The following CPQ variants were observed in gnomAD, a reference collection of about 807,000 sequenced individuals.
CPQ encodes the protein carboxypeptidase Q, also known as Ser-Met dipeptidase.
Under a neutral mutation model 45.7 loss-of-function variants are expected in CPQ, and 37 were observed. The observed-to-expected ratio is 0.81, with a 90% CI of 0.62 to 1.07. CPQ has a LOEUF of 1.07. CPQ is among the 50% of genes least tolerant of loss of function. CPQ has a pLI of 0.00. For synonymous variants in CPQ, 186 were observed against 205.8 expected (o/e 0.90, Z 0.82); for missense variants, 537 against 572.9 (o/e 0.94, Z 0.64).
At chr8:97,075,220 C>T (rs897256444) in intron 7 of CPQ, among the ~76,000 whole-genome samples, 40 of 152,128 alleles carry the variant, frequency 2.6e-4, no homozygotes, top group African/African-American at 9.2e-4. Flanking sequence ...ACTATAATGA[C>T]CCATAAAACA....
At chr8:96,874,890 T>C (rs1812124847) in intron 3 of CPQ, among the ~76,000 whole-genome samples, 1 of 151,938 alleles carries the variant, frequency 6.6e-6, no homozygotes, top group African/African-American at 2.4e-5. Context: ...GATAAGTACA[T>C]GTTTAACTTT....
intron 1 of CPQ, among the ~76,000 whole-genome samples, chr8:96,779,531 A>G (rs749196029): frequency 3.9e-5 from 6 of 152,156 alleles, no homozygotes; most frequent in Non-Finnish European, 8.8e-5. Context: ...GCTGCCTGGG[A>G]ATCAAAACAC....
At chr8:97,087,970 G>A (rs1811068259) in intron 7 of CPQ, among the ~76,000 whole-genome samples, 1 of 151,932 alleles carries the variant, frequency 6.6e-6, no homozygotes. Context: ...TGATAATATT[G>A]GAAATGCTTT....
intron 4 of CPQ, among the ~76,000 whole-genome samples, chr8:96,903,249 A>G (rs1812535422): frequency 6.6e-6 from 1 of 152,210 alleles, no homozygotes; most frequent in Non-Finnish European, 1.5e-5. Flanking sequence ...AGAAAGCATT[A>G]AAGGCCAAGC....
At chr8:97,015,356 G>T (rs977757537) in intron 5 of CPQ, among the ~76,000 whole-genome samples, 1 of 151,466 alleles carries the variant, frequency 6.6e-6, no homozygotes, top group Non-Finnish European at 1.5e-5. Context: ...ATTCCTACAT[G>T]ATACTAGCAT....
chr8:96,912,747 C>T (rs1257573946), intron 4 of CPQ, among the ~76,000 whole-genome samples: 1 of 152,160 alleles, frequency 6.6e-6, no homozygotes, highest in Non-Finnish European at 1.5e-5. Flanking sequence ...GGTTATATTG[C>T]TGGAGGCTTA....
intron 1 of CPQ, among the ~76,000 whole-genome samples, chr8:96,695,138 T>C (rs2130740436): frequency 6.7e-6 from 1 of 149,676 alleles, no homozygotes; most frequent in East Asian, 2.0e-4. Context: ...TAATGCCACA[T>C]ATCTACAACT....
chr8:96,769,626 A>AT (rs34672966), intron 1 of CPQ, among the ~76,000 whole-genome samples: 7,299 of 112,598 alleles, frequency 0.065, 276 homozygotes, highest in Middle Eastern at 0.087. Context: ...TGTTTACTGG[A>AT]TTTTTTTTTT....
intron 7 of CPQ, among the ~76,000 whole-genome samples, chr8:97,124,251 A>G (rs1208027536): frequency 7.0e-6 from 1 of 143,172 alleles, no homozygotes; most frequent in African/African-American, 2.6e-5. Flanking sequence ...AAAAAAAAAA[A>G]GTAAATTCAT....
At chr8:97,027,114 T>G (rs766693484) in intron 5 of CPQ, among the ~76,000 whole-genome samples, 1 of 152,258 alleles carries the variant, frequency 6.6e-6, no homozygotes, top group Non-Finnish European at 1.5e-5. Context: ...TTTCTTATTT[T>G]TGCCTATATT....
intron 1 of CPQ, chr8:96,659,392 C>G (rs1249942023): frequency 6.6e-6 from 1 of 152,144 alleles, no homozygotes; most frequent in East Asian, 1.9e-4. Context: ...GTAGTTTGCC[C>G]TGCAACTTCA....
chr8:96,964,294 A>G (rs1166727060), intron 4 of CPQ, among the ~76,000 whole-genome samples: 1 of 151,842 alleles, frequency 6.6e-6, no homozygotes, highest in African/African-American at 2.4e-5. Context: ...TAGATAAGCC[A>G]GTTTTTCCAG....
At chr8:96,744,607 C>G (rs2130781657) in intron 1 of CPQ, among the ~76,000 whole-genome samples, 1 of 152,242 alleles carries the variant, frequency 6.6e-6, no homozygotes, top group African/African-American at 2.4e-5. Flanking sequence ...TCTATTTTGT[C>G]TCATACTAAT....
In CPQ at chr8:96,895,054, G is replaced by T. The variant is rs1454688958; in HGVS notation, c.849+15049G>T. ...ACTATTTATTGAGTGCCGTCCGTGT[G>T]TTACCCACTGTGATAGGCCCATAAA... On this transcript the variant is annotated intron_variant, in intron 4 of 7. Transcript: ENST00000220763. Among the ~76,000 whole-genome samples the T allele has an allele frequency of 5.3e-5, 8 of 152,250 alleles. No homozygotes were observed. In the East Asian group the frequency reaches 1.5e-3, roughly 29 times the overall value.
intron 1 of CPQ, among the ~76,000 whole-genome samples, chr8:96,724,079 T>C (rs1346775023): frequency 6.6e-6 from 1 of 152,078 alleles, no homozygotes; most frequent in East Asian, 1.9e-4. Flanking sequence ...TTCTGGACCC[T>C]ATGTTTCTAT....
chr8:96,726,589 C>T (rs1008147911), intron 1 of CPQ, among the ~76,000 whole-genome samples: 12 of 152,042 alleles, frequency 7.9e-5, no homozygotes, highest in African/African-American at 2.7e-4. Flanking sequence ...TTAAATGACC[C>T]ATGAGAACTC....
intron 1 of CPQ, among the ~76,000 whole-genome samples, chr8:96,675,168 A>C (rs1005404994): frequency 6.6e-6 from 1 of 152,076 alleles, no homozygotes; most frequent in Non-Finnish European, 1.5e-5. Context: ...GTATGTAGTG[A>C]AATGTAAGTT....
At chr8:97,123,329 T>G (rs984181138) in intron 7 of CPQ, among the ~76,000 whole-genome samples, 1 of 148,300 alleles carries the variant, frequency 6.7e-6, no homozygotes, top group Non-Finnish European at 1.5e-5. Flanking sequence ...GTAAATGGAC[T>G]GTTCAAATAA....
At chr8:96,684,362 TGTG>T (rs1809195444) in intron 1 of CPQ, among the ~76,000 whole-genome samples, 1 of 152,186 alleles carries the variant, frequency 6.6e-6, no homozygotes, top group Non-Finnish European at 1.5e-5. Flanking sequence ...TAATGGATGT[TGTG>T]GTGAGGCTTT....
Sources: gnomAD v4.1 joint callset for allele counts (sites outside exome capture counted in the v4.1 genomes callset) on GRCh38, gnomAD v4.1.1 for gene constraint, MANE v1.5 for transcripts, NCBI Gene and HGNC (gene_info 2026-07-23, HGNC 2026-07-21) for gene names.